CCDC7: variants seen among roughly 807,000 people sequenced by gnomAD.
CCDC7 encodes the protein coiled-coil domain containing 7, also known as coiled-coil domain-containing protein 7.
Under a neutral mutation model 196.9 loss-of-function variants are expected in CCDC7, and 183 were observed. The ratio of observed to expected loss-of-function variants is 0.93; its 90% CI spans 0.82 to 1.05. The LOEUF is 1.05. Among genes scored for constraint, CCDC7 ranks in the 50% least tolerant of loss-of-function variants. The probability of loss-of-function intolerance (pLI) is 0.00; values close to 1 mark genes in which losing one functional copy is unlikely to be tolerated. For synonymous variants in CCDC7, 525 were observed against 484.6 expected, an observed-to-expected ratio of 1.08 and a Z score of -1.10; for missense variants, 1,540 against 1,482.2, an observed-to-expected ratio of 1.04 and a Z score of -0.64.
chr10:32,548,001 C>G (rs2052769220), intron 13 of CCDC7, among the ~76,000 whole-genome samples: 1 of 152,148 alleles, frequency 6.6e-6, no homozygotes, highest in African/African-American at 2.4e-5. Context: ...GTCTTTGCAT[C>G]CTCACAGCTT....
At chr10:32,511,628 A>G in intron 9 of CCDC7, 1 of 1,584,868 alleles carries the variant, frequency 6.3e-7, no homozygotes, top group Non-Finnish European at 8.7e-7. Flanking sequence ...ATTTCTAGAA[A>G]CAGACATCGT....
chr10:32,533,720 A>G (rs1431824407), intron 11 of CCDC7, among the ~76,000 whole-genome samples: 2 of 152,038 alleles, frequency 1.3e-5, no homozygotes, highest in African/African-American at 4.8e-5. Flanking sequence ...TGAAAATCTC[A>G]TTCTATTGCC....
intron 41 of CCDC7, among the ~76,000 whole-genome samples, chr10:32,872,682 GTTCCT>G (rs2094471513): frequency 6.6e-6 from 1 of 151,978 alleles, no homozygotes; most frequent in Non-Finnish European, 1.5e-5. Context: ...GGTACCGGTT[GTTCCT>G]TTCCATGTTT....
At chr10:32,498,204 A>T (rs2134750122) in intron 9 of CCDC7, among the ~76,000 whole-genome samples, 1 of 152,192 alleles carries the variant, frequency 6.6e-6, no homozygotes, top group South Asian at 2.1e-4. Context: ...AGAGACTAGG[A>T]TTGCAAACCC....
chr10:32,723,527 G>T (rs1237367347), intron 25 of CCDC7, among the ~76,000 whole-genome samples: 2 of 152,054 alleles, frequency 1.3e-5, no homozygotes, highest in Admixed American at 6.6e-5. Context: ...TAATATCAAG[G>T]AACTTATCAT....
chr10:32,664,583 A>G (rs903177696), intron 21 of CCDC7, among the ~76,000 whole-genome samples: 7 of 152,052 alleles, frequency 4.6e-5, no homozygotes, highest in Non-Finnish European at 7.4e-5. Context: ...TATAGGTAAG[A>G]TAATGCAGTA....
At chr10:32,648,786 GT>G (rs2068208885) in intron 20 of CCDC7, among the ~76,000 whole-genome samples, 1 of 151,936 alleles carries the variant, frequency 6.6e-6, no homozygotes, top group South Asian at 2.1e-4. Context: ...TTTTTTTCAT[GT>G]TTGTTGGCCA....
At chr10:32,754,385 G>A (rs2076096917) in intron 28 of CCDC7, among the ~76,000 whole-genome samples, 1 of 152,114 alleles carries the variant, frequency 6.6e-6, no homozygotes, top group South Asian at 2.1e-4. Context: ...AATGACTAAA[G>A]AAATGTTGAC....
At chr10:32,862,071 T>C (rs1229988107) in intron 41 of CCDC7, among the ~76,000 whole-genome samples, 2 of 152,158 alleles carry the variant, frequency 1.3e-5, no homozygotes, top group Non-Finnish European at 2.9e-5. Context: ...ACTGGATATA[T>C]ACCCCAAGGA....
At chr10:32,454,836 C>T (rs1588699276) in intron 2 of CCDC7, among the ~76,000 whole-genome samples, 1 of 152,286 alleles carries the variant, frequency 6.6e-6, no homozygotes, top group East Asian at 1.9e-4. Flanking sequence ...CTGTCTTTCC[C>T]ACTCAGTCTG....
intron 23 of CCDC7, among the ~76,000 whole-genome samples, chr10:32,692,680 T>C (rs1438745779): frequency 2.0e-5 from 3 of 152,202 alleles, no homozygotes; most frequent in Non-Finnish European, 4.4e-5. Context: ...AGTTGGTCTA[T>C]TAAGATAACA....
At chr10:32,554,282 A>T (rs1044158892) in intron 13 of CCDC7, among the ~76,000 whole-genome samples, 1 of 152,126 alleles carries the variant, frequency 6.6e-6, no homozygotes, top group Admixed American at 6.5e-5. Flanking sequence ...TTCTTCCCAG[A>T]CCTATGGAGT....
At chr10:32,734,233 C>T (rs1046943116) in intron 28 of CCDC7, among the ~76,000 whole-genome samples, 1 of 152,072 alleles carries the variant, frequency 6.6e-6, no homozygotes, top group Non-Finnish European at 1.5e-5. Context: ...ACATATACAC[C>T]ATGGAATACT....
chr10:32,809,279 A>G (rs2086546671), intron 30 of CCDC7, among the ~76,000 whole-genome samples: 1 of 152,214 alleles, frequency 6.6e-6, no homozygotes, highest in Admixed American at 6.5e-5. Flanking sequence ...AAATAATGAT[A>G]TTAAAGAAGC....
chr10:32,501,292 A>C (rs1328918241), intron 9 of CCDC7, among the ~76,000 whole-genome samples: 5 of 151,710 alleles, frequency 3.3e-5, no homozygotes, highest in African/African-American at 9.7e-5. Flanking sequence ...ACCTTTTTTC[A>C]AGGTTCTTAG....
chr10:32,644,474 A>G (rs901149890), intron 20 of CCDC7, among the ~76,000 whole-genome samples: 1 of 152,080 alleles, frequency 6.6e-6, no homozygotes, highest in African/African-American at 2.4e-5. Flanking sequence ...GGCTTGTTTT[A>G]CTTGACATAA....
intron 24 of CCDC7, among the ~76,000 whole-genome samples, chr10:32,702,793 C>A (rs922003554): frequency 6.6e-6 from 1 of 152,154 alleles, no homozygotes; most frequent in South Asian, 2.1e-4. Flanking sequence ...CTCTTTTGAT[C>A]TTCATTGGTT....
intron 20 of CCDC7, among the ~76,000 whole-genome samples, chr10:32,655,937 C>T (rs570045654): frequency 7.9e-5 from 12 of 152,222 alleles, no homozygotes; most frequent in South Asian, 2.1e-4. Context: ...GCATTCCTTA[C>T]GTATTTTGAC....
At chr10:32,501,755 T>C (rs1385617137) in intron 9 of CCDC7, among the ~76,000 whole-genome samples, 10 of 152,194 alleles carry the variant, frequency 6.6e-5, no homozygotes, top group Non-Finnish European at 1.5e-5. Context: ...GCCAGAGCTC[T>C]CCTGTATGAG....
Sources: allele counts gnomAD v4.1 joint callset (sites outside exome capture counted in the v4.1 genomes callset), GRCh38; gene constraint gnomAD v4.1.1; transcripts MANE v1.5; gene names NCBI Gene and HGNC (gene_info 2026-07-23, HGNC 2026-07-21).